Variants in RPS6KC1 observed in about 807,000 individuals in gnomAD.
RPS6KC1 encodes inactive ribosomal protein S6 kinase delta-1.
A neutral mutation model predicts 103.8 loss-of-function variants in RPS6KC1; 54 were observed. The observed-to-expected ratio is 0.52, with a 90% CI of 0.42 to 0.65. RPS6KC1 has a LOEUF of 0.65. RPS6KC1 is among the 30% of genes least tolerant of loss of function. RPS6KC1 has a pLI of 0.00. For missense variants in RPS6KC1, 1,151 were observed against 1,253.8 expected (o/e 0.92, Z 1.24); for synonymous variants, 439 against 438.7 (o/e 1.00, Z -0.01).
intron 3 of RPS6KC1, among the ~76,000 whole-genome samples, chr1:213,093,401 G>C (rs1049713461): frequency 6.6e-6 from 1 of 151,732 alleles, no homozygotes; most frequent in Non-Finnish European, 1.5e-5. Context: ...GTAGAGATGG[G>C]GTTTCACCAT....
At chr1:213,499,801 T>C in the RPS6KC1 span, among the ~76,000 whole-genome samples, 1 of 152,226 alleles carries the variant, frequency 6.6e-6, no homozygotes, top group Non-Finnish European at 1.5e-5. Flanking sequence ...TGTTACTGTA[T>C]TGAAAAGTGT....
chr1:213,316,617 G>T, the RPS6KC1 span, among the ~76,000 whole-genome samples: 5 of 152,108 alleles, frequency 3.3e-5, no homozygotes. Context: ...AGAGGCAGAT[G>T]ATGAACAAAT....
chr1:213,555,704 T>C, the RPS6KC1 span, among the ~76,000 whole-genome samples: 2 of 152,242 alleles, frequency 1.3e-5, no homozygotes, highest in African/African-American at 4.8e-5. Flanking sequence ...GTGGTTACTC[T>C]TAAGCATATT....
chr1:213,171,997 C>T (rs910852119), intron 7 of RPS6KC1, among the ~76,000 whole-genome samples: 4 of 152,226 alleles, frequency 2.6e-5, no homozygotes, highest in South Asian at 2.1e-4. Flanking sequence ...CTTGTTTTCC[C>T]GCAGTAATGG....
At chr1:213,162,701 G>A (rs2090598807) in intron 6 of RPS6KC1, among the ~76,000 whole-genome samples, 1 of 152,224 alleles carries the variant, frequency 6.6e-6, no homozygotes, top group East Asian at 1.9e-4. Flanking sequence ...CACTGTCTCT[G>A]TAGGTATTTA....
At chr1:213,134,220 A>T (rs774340500) in intron 6 of RPS6KC1, among the ~76,000 whole-genome samples, 1 of 152,090 alleles carries the variant, frequency 6.6e-6, no homozygotes, top group Non-Finnish European at 1.5e-5. Flanking sequence ...ATTTGCTGCC[A>T]TAGTTATACC....
At chr1:213,280,814 TTAGA>T in the RPS6KC1 span, among the ~76,000 whole-genome samples, 16 of 152,214 alleles carry the variant, frequency 1.1e-4, no homozygotes, top group Admixed American at 2.6e-4. Flanking sequence ...TTTAAAATGT[TTAGA>T]TAATCTTGTG....
the RPS6KC1 span, among the ~76,000 whole-genome samples, chr1:213,537,810 C>T: frequency 2.0e-5 from 3 of 152,174 alleles, no homozygotes; most frequent in Non-Finnish European, 4.4e-5. Context: ...AATGTTCTGA[C>T]TGCTTGAGAT....
At chr1:213,843,156 C>T in the RPS6KC1 span, among the ~76,000 whole-genome samples, 1 of 152,198 alleles carries the variant, frequency 6.6e-6, no homozygotes, top group African/African-American at 2.4e-5. Context: ...AGTCTTTGCT[C>T]TTAAGACCTT....
the RPS6KC1 span, among the ~76,000 whole-genome samples, chr1:213,584,961 C>T: frequency 6.6e-6 from 1 of 152,116 alleles, no homozygotes; most frequent in Non-Finnish European, 1.5e-5. Flanking sequence ...TTTTTTTACT[C>T]ATAGTTTTCT....
chr1:213,288,769 T>C, the RPS6KC1 span, among the ~76,000 whole-genome samples: 24 of 152,210 alleles, frequency 1.6e-4, no homozygotes, highest in Non-Finnish European at 2.8e-4. Flanking sequence ...ATTGGATCTA[T>C]TGGATCCTGC....
At chr1:213,338,934 C>T in the RPS6KC1 span, among the ~76,000 whole-genome samples, 37 of 152,152 alleles carry the variant, frequency 2.4e-4, no homozygotes, top group South Asian at 7.3e-3. Context: ...GGAAATGCTT[C>T]CCACGCTGAA....
At chr1:213,841,385 A>G in the RPS6KC1 span, 1 of 152,208 alleles carries the variant, frequency 6.6e-6, no homozygotes, top group Non-Finnish European at 1.5e-5. Context: ...TCTGATTGCA[A>G]CATCTGCTCT....
At chr1:213,805,920 T>G in the RPS6KC1 span, among the ~76,000 whole-genome samples, 1 of 152,228 alleles carries the variant, frequency 6.6e-6, no homozygotes, top group Non-Finnish European at 1.5e-5. Context: ...AAAACAACAT[T>G]CATCTCCTTG....
At chr1:213,445,020 C>T in the RPS6KC1 span, among the ~76,000 whole-genome samples, 1 of 152,158 alleles carries the variant, frequency 6.6e-6, no homozygotes, top group Non-Finnish European at 1.5e-5. Context: ...TCCCTATCTT[C>T]TTTTCCTGCA....
At chr1:213,409,654 A>G in the RPS6KC1 span, among the ~76,000 whole-genome samples, 1 of 152,220 alleles carries the variant, frequency 6.6e-6, no homozygotes, top group Admixed American at 6.5e-5. Context: ...GCAGAATGAC[A>G]ATACTTTGTG....
chr1:213,614,375 T>C, the RPS6KC1 span, among the ~76,000 whole-genome samples: 1 of 152,206 alleles, frequency 6.6e-6, no homozygotes, highest in Non-Finnish European at 1.5e-5. Context: ...ATAACCCAGC[T>C]TAAGAGAATA....
the RPS6KC1 span, among the ~76,000 whole-genome samples, chr1:213,491,837 G>A: frequency 6.6e-6 from 1 of 152,134 alleles, no homozygotes; most frequent in Non-Finnish European, 1.5e-5. Flanking sequence ...AGTGGAACAG[G>A]GGCTGAACAG....
At chr1:213,639,789 A>G in the RPS6KC1 span, among the ~76,000 whole-genome samples, 2 of 151,634 alleles carry the variant, frequency 1.3e-5, no homozygotes, top group African/African-American at 2.4e-5. Flanking sequence ...ATATTTCTCT[A>G]TTCCATTTGC....
Sources: allele counts gnomAD v4.1 joint callset (sites outside exome capture counted in the v4.1 genomes callset), GRCh38; gene constraint gnomAD v4.1.1; transcripts MANE v1.5; gene names NCBI Gene and HGNC (gene_info 2026-07-23, HGNC 2026-07-21).